The following ESF1 variants were observed in gnomAD, a reference collection of about 807,000 sequenced individuals.
ESF1 encodes ESF1 nucleolar pre-rRNA processing protein, also known as ESF1 homolog.
A neutral mutation model predicts 92.0 loss-of-function variants in ESF1; 58 were observed. That is an observed-to-expected ratio of 0.63 (90% CI 0.51 to 0.78). The LOEUF (loss-of-function observed/expected upper bound fraction) is 0.78. ESF1 is among the 30% of genes least tolerant of loss of function. The pLI is 0.00. For synonymous variants in ESF1, 321 were observed against 313.7 expected (o/e 1.02, Z -0.24); for missense variants, 922 against 989.1 (o/e 0.93, Z 0.91).
At chr20:13,753,049 T>A (rs1402542113) in intron 9 of ESF1, among the ~76,000 whole-genome samples, 7 of 152,138 alleles carry the variant, frequency 4.6e-5, no homozygotes, top group Admixed American at 2.6e-4. Context: ...GATATCCCAA[T>A]GACATTCACA....
At position 13,715,042 on chromosome 20, in the gene ESF1, T is replaced by C; in HGVS notation, c.2388A>G (p.Gln796=). ...TAAGTTCTTGTTCTTTCCGTTCTCT[T>C]TGCCGGGCCTTCTCCTCAAGGATTT... ...MEKILEEKAR[Q]RERKEQELTQ... is the part of the protein sequence containing the mutation. The change falls in exon 14 of 14, where the codon CAA becomes CAG. Residue 796 remains glutamine, a synonymous_variant. Transcript: ENST00000617257. 5.0e-6 allele frequency: 8 copies of C among 1,614,096 alleles called. No individual in the cohort carries two copies. Among genetic ancestry groups the C allele is most frequent in the Non-Finnish European group, 6.8e-6 (8 of 1,180,006 alleles).
intron 10 of ESF1, among the ~76,000 whole-genome samples, chr20:13,729,953 G>A (rs1421470159): frequency 6.6e-6 from 1 of 152,110 alleles, no homozygotes; most frequent in East Asian, 1.9e-4. Flanking sequence ...AACATCTCAA[G>A]TCATTTAAAC....
chr20:13,767,937 G>T (rs978590020), intron 7 of ESF1, among the ~76,000 whole-genome samples: 3 of 152,152 alleles, frequency 2.0e-5, no homozygotes, highest in African/African-American at 4.8e-5. Context: ...TCCCTATTCT[G>T]ACAATTAAGC....
At chr20:13,742,825 G>A (rs2050024220) in intron 9 of ESF1, among the ~76,000 whole-genome samples, 1 of 152,094 alleles carries the variant, frequency 6.6e-6, no homozygotes, top group Admixed American at 6.5e-5. Context: ...ACAGATATGT[G>A]CAAATACCAC....
intron 2 of ESF1, among the ~76,000 whole-genome samples, 170 bp downstream of exon 2, chr20:13,782,334 C>T (rs1980227573): frequency 6.6e-6 from 1 of 152,190 alleles, no homozygotes; most frequent in Admixed American, 6.5e-5. Context: ...AGCACCACAT[C>T]AAAAATTAAT....
chr20:13,782,759 T>C lies in ESF1; in HGVS notation c.382A>G (p.Lys128Glu). 6.3e-7 allele frequency: 1 copy of C among 1,596,994 alleles called. No homozygotes were observed. The highest frequency in any genetic ancestry group is 1.4e-5 in the African/African-American group (1 of 73,688). Residue 128 changes from lysine (K) to glutamate (E), a missense_variant, in exon 2 of 14, where the codon AAA (lysine) becomes GAA (glutamate). By Grantham distance (56) the Lys-to-Glu change is moderately conservative. Transcript: ENST00000617257. ...KKANHKGSEN[K>E]TDLDNSIGIK... The stretch of plus-strand genomic sequence containing the variant: ...CCTATAGAATTATCTAAATCAGTTT[T>C]ATTTTCAGAACCCTTGTGATTAGCC...
intron 10 of ESF1, among the ~76,000 whole-genome samples, chr20:13,732,225 G>A (rs1343415870): frequency 2.0e-5 from 3 of 152,134 alleles, no homozygotes; most frequent in African/African-American, 7.2e-5. Flanking sequence ...TGGAATTGGA[G>A]GTCACCCAGC....
chr20:13,749,246 T>G, intron 9 of ESF1, among the ~76,000 whole-genome samples: 1 of 131,114 alleles, frequency 7.6e-6, no homozygotes, highest in Non-Finnish European at 1.6e-5. Flanking sequence ...TTTTTTTTTT[T>G]TTTTTTTTTT....
chr20:13,754,934 T>C (rs536843460), intron 9 of ESF1, among the ~76,000 whole-genome samples: 49 of 152,362 alleles, frequency 3.2e-4, no homozygotes, highest in African/African-American at 1.1e-3. Flanking sequence ...AGACAAAGTA[T>C]AGCTTCAAGG....
Position 13,748,592 on chromosome 20 carries a change from A to ATTT in ESF1, c.1828+11097_1828+11099dup, listed in dbSNP as rs58809594. Among the ~76,000 whole-genome samples, 107 of 95,714 alleles carry ATTT rather than the reference A, an allele frequency of 1.1e-3. 2 individuals carry two copies. The highest frequency in any genetic ancestry group is 6.6e-3 in the African/African-American group (102 of 15,538). 62.8% of individuals were successfully genotyped at this position (95,714 alleles called of 152,430 possible). A position where few individuals can be genotyped will look rare whatever the true frequency, so the allele number is the denominator to read the frequency against. ...TGTGTGTGTATATATATATATATAT[A>ATTT]TTTTTTTTTTTTTGAGATGGAGTGT... On this transcript the variant is annotated intron_variant, in intron 9 of 13. Coordinates refer to ENST00000617257, the MANE Select transcript of ESF1 (RefSeq NM_001276380.2).
At chr20:13,733,916 A>G (rs570754870) in intron 9 of ESF1, 74 bp from the exon 10 acceptor site, 954 of 1,470,808 alleles carry the variant, frequency 6.5e-4, no homozygotes, top group Non-Finnish European at 7.9e-4. Context: ...TAATTTATAA[A>G]GACAAATATA....
chr20:13,765,365 A>G lies in ESF1; in HGVS notation c.1666+1412T>C, dbSNP rs117701108. On this transcript the variant is annotated intron_variant, in intron 8 of 13. Coordinates refer to ENST00000617257, the MANE Select transcript of ESF1 (RefSeq NM_001276380.2). ...TAAATATTATTTTATAAAGCTTCAA[A>G]GAGGTTAAGAAAAGAAAGAAAAGTT... 1.7e-4 allele frequency among the ~76,000 whole-genome samples: 26 copies of G among 152,374 alleles called. No individual in the cohort carries two copies. The East Asian group carries it at 5.0e-3, about 29-fold the overall frequency.
chr20:13,742,378 C>T (rs1042068883), intron 9 of ESF1, among the ~76,000 whole-genome samples: 1 of 151,894 alleles, frequency 6.6e-6, no homozygotes, highest in African/African-American at 2.4e-5. Flanking sequence ...GAGGCTGAGG[C>T]AGGAGAATTG....
At chr20:13,735,293 G>A (rs1353580494) in intron 9 of ESF1, among the ~76,000 whole-genome samples, 5 of 152,032 alleles carry the variant, frequency 3.3e-5, no homozygotes, top group Non-Finnish European at 7.4e-5. Flanking sequence ...GCTTAGAAAA[G>A]TATTAATGTT....
At chr20:13,730,522 C>T (rs1600269508) in intron 10 of ESF1, among the ~76,000 whole-genome samples, 2 of 151,510 alleles carry the variant, frequency 1.3e-5, no homozygotes, top group Admixed American at 1.3e-4. Context: ...TAGCTGGGAC[C>T]ACAGGTGCCC....
rs771231593 is a variant in ESF1 at position 13,775,172 on chromosome 20, T to A, written c.1134A>T (p.Val378=). 1.3e-6 allele frequency: 2 copies of A among 1,598,934 alleles called. No homozygotes were observed. Among genetic ancestry groups the A allele is most frequent in the South Asian group, 2.3e-5 (2 of 87,722 alleles). The part of the protein sequence containing the change: ...LFNSFKPKGG[V]IFSVKIYPSE... The stretch of plus-strand genomic sequence containing the variant: ...CAATTCTCACCTTGACGGAAAATAT[T>A]ACACCTCCTTTGGGTTTAAATGAAT... The change falls in exon 4 of 14, where the codon GTA becomes GTT. Residue 378 remains valine, a synonymous_variant. Transcript: ENST00000617257.
intron 8 of ESF1, among the ~76,000 whole-genome samples, chr20:13,761,549 C>T (rs183293006): frequency 5.9e-5 from 9 of 152,034 alleles, no homozygotes; most frequent in Admixed American, 3.3e-4. Context: ...AGCTATTCAG[C>T]CTGAAGAGAA....
intron 5 of ESF1, 142 bp downstream of exon 5, chr20:13,772,373 A>T: frequency 1.8e-6 from 1 of 571,276 alleles, no homozygotes; most frequent in Non-Finnish European, 3.1e-6. Context: ...CTTTTAACAG[A>T]CTTTAAATCT....
At chr20:13,738,244 C>G (rs562945317) in intron 9 of ESF1, among the ~76,000 whole-genome samples, 1 of 152,112 alleles carries the variant, frequency 6.6e-6, no homozygotes, top group Non-Finnish European at 1.5e-5. Context: ...ATATGAAGAT[C>G]TGAAGGGTTT....
Sources: gnomAD v4.1 joint callset for allele counts (sites outside exome capture counted in the v4.1 genomes callset) on GRCh38, gnomAD v4.1.1 for gene constraint, MANE v1.5 for transcripts, NCBI Gene and HGNC (gene_info 2026-07-23, HGNC 2026-07-21) for gene names.